CSNK1G2: variants seen among roughly 807,000 people sequenced by gnomAD.
CSNK1G2 encodes the protein casein kinase 1 gamma 2.
In CSNK1G2, 11 loss-of-function variants were observed where a neutral mutation model predicts 48.0. That is an observed-to-expected ratio of 0.23 (90% CI 0.14 to 0.38). CSNK1G2 has a LOEUF of 0.38. CSNK1G2 is among the 10% of genes least tolerant of loss of function. The probability of loss-of-function intolerance (pLI) is 1.00; values close to 1 mark genes in which losing one functional copy is unlikely to be tolerated. For missense variants in CSNK1G2, 446 were observed against 595.5 expected, an observed-to-expected ratio of 0.75 and a Z score of 2.61; for synonymous variants, 337 against 254.1, an observed-to-expected ratio of 1.33 and a Z score of -3.10.
chr19:1,961,390 G>C (rs1327938649), intron 1 of CSNK1G2, among the ~76,000 whole-genome samples: 1 of 152,246 alleles, frequency 6.6e-6, no homozygotes, highest in Non-Finnish European at 1.5e-5. Context: ...CTCCTGGCTG[G>C]GGTGTGTGCG....
chr19:1,947,702 G>T (rs1239457479), intron 1 of CSNK1G2, among the ~76,000 whole-genome samples: 1 of 152,234 alleles, frequency 6.6e-6, no homozygotes, highest in Non-Finnish European at 1.5e-5. Context: ...GGAGCCTGCA[G>T]GTGGGCTGGG....
chr19:1,966,323 T>C lies in CSNK1G2; in HGVS notation c.-265-3185T>C, dbSNP rs78245108. Among the ~76,000 whole-genome samples the C allele has an allele frequency of 5.3e-5, 8 of 152,322 alleles. No homozygotes were observed. The East Asian group carries it at 1.5e-3, about 29-fold the overall frequency. ...GTTGGTCCCAGGCCTGAAAGATCAC[T>C]GTGAGGGTTCAGGACTTCAGTGGAG... On this transcript the variant is annotated intron_variant, in intron 1 of 11. Transcript: ENST00000255641.
intron 1 of CSNK1G2, chr19:1,952,587 G>A (rs11669357): frequency 2.6e-5 from 4 of 155,444 alleles, no homozygotes; most frequent in African/African-American, 7.2e-5. Flanking sequence ...GCCTCCCAAA[G>A]TGTACGTATC....
At chr19:1,966,095 G>T (rs939396202) in intron 1 of CSNK1G2, among the ~76,000 whole-genome samples, 1 of 152,210 alleles carries the variant, frequency 6.6e-6, no homozygotes, top group Admixed American at 6.5e-5. Context: ...CACCGCAGCC[G>T]CCCATGACTC....
chr19:1,950,490 T>G (rs2014725772), intron 1 of CSNK1G2, among the ~76,000 whole-genome samples: 1 of 147,064 alleles, frequency 6.8e-6, no homozygotes, highest in South Asian at 2.2e-4. Flanking sequence ...GTTGGAGAAC[T>G]TGAACATTAC....
intron 2 of CSNK1G2, 116 bp downstream of exon 2, chr19:1,970,075 C>G: frequency 1.3e-6 from 1 of 766,062 alleles, no homozygotes; most frequent in Non-Finnish European, 1.8e-6. Context: ...CGGGGCCGCC[C>G]CATGTCACTG....
intron 2 of CSNK1G2, chr19:1,975,295 T>C: frequency 1.0e-6 from 1 of 985,430 alleles, no homozygotes; most frequent in Non-Finnish European, 1.2e-6. Context: ...AGGGACGGTG[T>C]AGCACACAGG....
chr19:1,953,811 G>C (rs376041727), intron 1 of CSNK1G2: 1 of 517,114 alleles, frequency 1.9e-6, no homozygotes, highest in Admixed American at 2.0e-5. Flanking sequence ...CCGCTGTACC[G>C]CGATCACCTG....
chr19:1,958,445 T>TC, intron 1 of CSNK1G2, among the ~76,000 whole-genome samples: 1 of 104,038 alleles, frequency 9.6e-6, no homozygotes, highest in Non-Finnish European at 2.1e-5. Context: ...CACTGTCCCC[T>TC]GTCCCCCCAT....
At chr19:1,946,325 A>G (rs982204305) in intron 1 of CSNK1G2, among the ~76,000 whole-genome samples, 20 of 112,920 alleles carry the variant, frequency 1.8e-4, no homozygotes, top group Admixed American at 1.5e-3. Context: ...GGAGTCTTGC[A>G]CTGTTGCCCA....
intron 1 of CSNK1G2, chr19:1,953,573 C>T (rs890553161): frequency 2.5e-5 from 12 of 485,564 alleles, no homozygotes; most frequent in East Asian, 6.2e-5. Flanking sequence ...CCAAGGCTGC[C>T]GGTGGTGTTT....
chr19:1,948,294 C>T (rs1286842043), intron 1 of CSNK1G2, among the ~76,000 whole-genome samples: 1 of 151,930 alleles, frequency 6.6e-6, no homozygotes, highest in Non-Finnish European at 1.5e-5. Flanking sequence ...GAGGCCGAGG[C>T]GGGTGGATCA....
At chr19:1,956,895 C>T (rs1166779421) in intron 1 of CSNK1G2, among the ~76,000 whole-genome samples, 3 of 152,182 alleles carry the variant, frequency 2.0e-5, no homozygotes, top group East Asian at 1.9e-4. Context: ...GGCCAGGCGG[C>T]GGTTGATGGG....
intron 2 of CSNK1G2, among the ~76,000 whole-genome samples, chr19:1,977,760 A>AG (rs1353226452): frequency 6.6e-6 from 1 of 151,650 alleles, no homozygotes; most frequent in African/African-American, 2.4e-5. Flanking sequence ...CAAAAAAAAA[A>AG]AAAAAAAAAA....
intron 1 of CSNK1G2, among the ~76,000 whole-genome samples, chr19:1,958,260 A>T (rs1425224102): frequency 1.3e-5 from 2 of 151,566 alleles, no homozygotes; most frequent in Admixed American, 6.6e-5. Flanking sequence ...TGGTTCCCAG[A>T]GGCCGCTGGG....
rs546221792 is a variant in CSNK1G2 at position 1,944,968 on chromosome 19, A to G, written c.-266+3550A>G. On this transcript the variant is annotated intron_variant, in intron 1 of 11. Coordinates refer to ENST00000255641, the MANE Select transcript of CSNK1G2 (RefSeq NM_001319.7). The stretch of plus-strand genomic sequence containing the variant: ...TCTGCCCCGCTCACCACCCACATCA[A>G]CTTGTCACCAGCAAGGGCATGGGAC... 5.9e-5 allele frequency among the ~76,000 whole-genome samples: 9 copies of G among 152,272 alleles called. No individual in the cohort carries two copies. In the East Asian group the frequency reaches 7.7e-4, roughly 13 times the overall value.
chr19:1,952,199 T>C (rs1368763470), intron 1 of CSNK1G2, among the ~76,000 whole-genome samples: 1 of 152,174 alleles, frequency 6.6e-6, no homozygotes, highest in Admixed American at 6.5e-5. Context: ...CAGTGGGCAG[T>C]GGGTGCAGGG....
intron 1 of CSNK1G2, among the ~76,000 whole-genome samples, chr19:1,967,651 C>T (rs866266508): frequency 6.8e-6 from 1 of 147,780 alleles, no homozygotes; most frequent in African/African-American, 2.6e-5. Context: ...ACAGCTGCCA[C>T]CCTTCAGTTC....
At position 1,978,528 on chromosome 19, in the gene CSNK1G2, G is replaced by A. The variant is rs748842297; in HGVS notation, c.298+17G>A. On this transcript the variant is annotated intron_variant, in intron 4 of 11. Coordinates refer to ENST00000255641, the MANE Select transcript of CSNK1G2 (RefSeq NM_001319.7). This position sits in a 1 kb window ranked among gnomAD's most constrained non-coding sequence, Gnocchi z 7.3. The stretch of plus-strand genomic sequence containing the variant: ...GCGCCACAGGTACCGGGCGGCCCGC[G>A]GGTGGGGCGGGGGCTGCGCAGGGGC... 1.6e-5 allele frequency: 25 copies of A among 1,570,188 alleles called. No homozygotes were observed. In the African/African-American group the frequency reaches 2.6e-4, roughly 16 times the overall value.
Sources: allele counts gnomAD v4.1 joint callset (sites outside exome capture counted in the v4.1 genomes callset), GRCh38; gene constraint gnomAD v4.1.1; non-coding constraint Gnocchi (gnomAD v3.1); transcripts MANE v1.5; gene names NCBI Gene and HGNC (gene_info 2026-07-23, HGNC 2026-07-21).